Variants in FBXL17 observed in about 807,000 individuals in gnomAD.
FBXL17 encodes the protein F-box and leucine rich repeat protein 17, also known as F-box/LRR-repeat protein 17.
In FBXL17, 22 loss-of-function variants were observed where a neutral mutation model predicts 66.2. The ratio of observed to expected loss-of-function variants is 0.33; its 90% CI spans 0.24 to 0.47. The LOEUF (loss-of-function observed/expected upper bound fraction) is 0.47, where lower values mean the gene tolerates loss of function less well. Ranked by LOEUF, FBXL17 falls within the 20% of genes least tolerant of loss-of-function variation. FBXL17 has a pLI of 1.00. For synonymous variants in FBXL17, 474 were observed against 400.5 expected (o/e 1.18, Z -2.19); for missense variants, 878 against 948.2 (o/e 0.93, Z 0.97).
intron 4 of FBXL17, among the ~76,000 whole-genome samples, chr5:108,252,187 A>C (rs1756385955): frequency 1.3e-5 from 2 of 152,130 alleles, no homozygotes; most frequent in Non-Finnish European, 2.9e-5. Context: ...TTTGGAGAAC[A>C]ATTTGCCAAT....
intron 6 of FBXL17, among the ~76,000 whole-genome samples, chr5:108,175,289 G>A (rs2150020755): frequency 6.6e-6 from 1 of 152,214 alleles, no homozygotes; most frequent in South Asian, 2.1e-4. Context: ...CTCCTCACAA[G>A]GAGAAAGACT....
intron 8 of FBXL17, among the ~76,000 whole-genome samples, chr5:107,868,034 C>T (rs775540758): frequency 6.6e-5 from 10 of 152,156 alleles, no homozygotes; most frequent in Non-Finnish European, 1.0e-4. Context: ...CAGGTAAGGA[C>T]GGGGAAGACA....
chr5:108,380,579 T>A, intron 1 of FBXL17, 120 bp downstream of exon 1: 1 of 550,554 alleles, frequency 1.8e-6, no homozygotes, highest in Non-Finnish European at 2.8e-6. Flanking sequence ...CCTTGGGACG[T>A]CCCTAGGCTG....
rs1414059663 is a variant in FBXL17, at chr5:108,380,993, C to T, written c.699G>A (p.Ala233=). 1.7e-6 allele frequency: 2 copies of T among 1,206,638 alleles called. No individual in the cohort carries two copies. Among genetic ancestry groups the T allele is most frequent in the African/African-American group, 3.2e-5 (2 of 63,070 alleles). 74.7% of individuals were successfully genotyped at this position (1,206,638 alleles called of 1,614,324 possible). A position where few individuals can be genotyped will look rare whatever the true frequency, so the allele number is the denominator to read the frequency against. The change falls in exon 1 of 9, where the codon GCG becomes GCA. Residue 233 remains alanine (A), a synonymous_variant. Coordinates refer to ENST00000542267, the MANE Select transcript of FBXL17 (RefSeq NM_001163315.3). ...GCCGGGGCGGCGAAGCGCCTCCCCCCGCAGGCCCTCCCCCGCCACCGCCGC... is the reference window on the plus strand; with the variant it reads ...GCCGGGGCGGCGAAGCGCCTCCCCCTGCAGGCCCTCCCCCGCCACCGCCGC... ...GGGGGGGGGP[A]GGGASPPRPP... is the part of the protein sequence containing the mutation.
At chr5:108,018,941 C>A (rs190798264) in intron 7 of FBXL17, among the ~76,000 whole-genome samples, 10 of 152,240 alleles carry the variant, frequency 6.6e-5, no homozygotes, top group Admixed American at 6.5e-4. Context: ...TTCAGACAGT[C>A]TAATGTGCAG....
intron 4 of FBXL17, among the ~76,000 whole-genome samples, chr5:108,275,733 C>A (rs777442685): frequency 1.3e-5 from 2 of 152,194 alleles, no homozygotes; most frequent in Non-Finnish European, 1.5e-5. Flanking sequence ...TTGACTAAAT[C>A]TTCCACTAAG....
intron 4 of FBXL17, among the ~76,000 whole-genome samples, chr5:108,282,766 ACT>A (rs1757750519): frequency 6.7e-6 from 1 of 149,074 alleles, no homozygotes; most frequent in African/African-American, 2.6e-5. Flanking sequence ...AAATTTAAAG[ACT>A]CTATTAAAAA....
chr5:108,282,140 T>C (rs2966822), intron 4 of FBXL17, among the ~76,000 whole-genome samples: 112,863 of 151,678 alleles, frequency 0.74, 42,326 homozygotes, highest in East Asian at 0.93. Context: ...TTCAAAAAAT[T>C]GAGGAGGATG....
At chr5:107,967,556 A>G (rs142889137) in intron 7 of FBXL17, among the ~76,000 whole-genome samples, 4,764 of 149,618 alleles carry the variant, frequency 0.032, 115 homozygotes, top group Non-Finnish European at 0.045. Context: ...GGGGAGGGAT[A>G]GCATTAGGAG....
chr5:108,276,876 T>G (rs1474299530), intron 4 of FBXL17, among the ~76,000 whole-genome samples: 3 of 152,114 alleles, frequency 2.0e-5, no homozygotes, highest in Non-Finnish European at 4.4e-5. Flanking sequence ...AATTTCCATT[T>G]AAAAACCATA....
intron 4 of FBXL17, among the ~76,000 whole-genome samples, chr5:108,316,748 A>G (rs1190807485): frequency 1.3e-5 from 2 of 151,264 alleles, no homozygotes; most frequent in Non-Finnish European, 3.0e-5. Context: ...ACCAGATAAC[A>G]GCATACTAAA....
intron 6 of FBXL17, among the ~76,000 whole-genome samples, chr5:108,041,917 T>C (rs529554887): frequency 6.6e-6 from 1 of 152,224 alleles, no homozygotes; most frequent in Non-Finnish European, 1.5e-5. Context: ...CAGGGGTTTT[T>C]CTGAGATGGA....
intron 5 of FBXL17, among the ~76,000 whole-genome samples, chr5:108,195,862 G>C (rs1045569631): frequency 6.6e-6 from 1 of 152,076 alleles, no homozygotes; most frequent in African/African-American, 2.4e-5. Flanking sequence ...CATTCCAAGA[G>C]TTTTGGTTTG....
intron 4 of FBXL17, among the ~76,000 whole-genome samples, chr5:108,242,818 T>C (rs1755921580): frequency 6.6e-6 from 1 of 152,156 alleles, no homozygotes; most frequent in Non-Finnish European, 1.5e-5. Flanking sequence ...ACCATTATTA[T>C]ATCTAAAAAA....
chr5:108,256,291 T>C (rs1425135587), intron 4 of FBXL17, among the ~76,000 whole-genome samples: 1 of 152,194 alleles, frequency 6.6e-6, no homozygotes, highest in African/African-American at 2.4e-5. Context: ...TCAATGCTTA[T>C]CTTGACATTC....
intron 5 of FBXL17, among the ~76,000 whole-genome samples, chr5:108,200,283 G>A (rs532050607): frequency 6.6e-6 from 1 of 152,012 alleles, no homozygotes; most frequent in East Asian, 1.9e-4. Context: ...AATATATATA[G>A]AGAAGAGCAT....
intron 1 of FBXL17, 81 bp downstream of exon 1, chr5:108,380,618 G>C (rs557164541): frequency 6.2e-5 from 57 of 924,800 alleles, no homozygotes; most frequent in Admixed American, 3.0e-4. Flanking sequence ...CCGCGCTTAG[G>C]GGGAGGAGAG....
chr5:107,936,781 T>C (rs933001795), intron 7 of FBXL17, among the ~76,000 whole-genome samples: 4 of 152,120 alleles, frequency 2.6e-5, no homozygotes, highest in Admixed American at 2.0e-4. Flanking sequence ...GTAAATCCCA[T>C]GTGTAAATAT....
chr5:107,914,226 G>A (rs911049990), intron 7 of FBXL17, among the ~76,000 whole-genome samples: 5 of 152,110 alleles, frequency 3.3e-5, no homozygotes, highest in South Asian at 2.1e-4. Context: ...TGGGTTACTA[G>A]AGTCATGGGG....
Sources: allele counts gnomAD v4.1 joint callset (sites outside exome capture counted in the v4.1 genomes callset), GRCh38; gene constraint gnomAD v4.1.1; transcripts MANE v1.5; gene names NCBI Gene and HGNC (gene_info 2026-07-23, HGNC 2026-07-21).